Variants in NPAS2 observed in about 807,000 individuals in gnomAD.
The protein encoded by NPAS2 is neuronal PAS domain protein 2.
NPAS2 carries 23 observed loss-of-function variants against 107.5 expected under a neutral mutation model. The ratio of observed to expected loss-of-function variants is 0.21; its 90% CI spans 0.15 to 0.30. The LOEUF is 0.30. NPAS2 is among the 10% of genes least tolerant of loss of function. NPAS2 has a pLI of 1.00. For synonymous variants in NPAS2, 403 were observed against 417.5 expected (o/e 0.97, Z 0.42); for missense variants, 756 against 1,043.3 (o/e 0.72, Z 3.79).
chr2:100,854,742 A>G (rs149392061), intron 1 of NPAS2, among the ~76,000 whole-genome samples: 2 of 152,312 alleles, frequency 1.3e-5, no homozygotes, highest in African/African-American at 4.8e-5. Flanking sequence ...CACAGGAAAT[A>G]AATGCAGGCC....
intron 4 of NPAS2, among the ~76,000 whole-genome samples, chr2:100,934,481 T>G (rs1684179280): frequency 6.6e-6 from 1 of 152,206 alleles, no homozygotes; most frequent in African/African-American, 2.4e-5. Flanking sequence ...CTTTATGCAC[T>G]TTCCCTTGCT....
At chr2:100,993,242 T>A (rs1007182996) in intron 19 of NPAS2, 105 bp from the exon 20 acceptor site, 2 of 1,198,370 alleles carry the variant, frequency 1.7e-6, no homozygotes, top group Non-Finnish European at 2.3e-6. Flanking sequence ...CAAAAGTTTC[T>A]TATGAAGTCC....
At chr2:100,929,367 G>T (rs1379037736) in intron 3 of NPAS2, among the ~76,000 whole-genome samples, 1 of 152,194 alleles carries the variant, frequency 6.6e-6, no homozygotes, top group Non-Finnish European at 1.5e-5. Context: ...CACAAGGGGT[G>T]ATCTACAGGG....
At chr2:100,937,682 C>T in intron 4 of NPAS2, 71 bp from the exon 5 acceptor site, 1 of 1,045,216 alleles carries the variant, frequency 9.6e-7, no homozygotes, top group Middle Eastern at 2.0e-4. Flanking sequence ...AAAATAGTGT[C>T]CTCTGCATCA....
intron 2 of NPAS2, among the ~76,000 whole-genome samples, chr2:100,921,342 C>G (rs1212987694): frequency 6.6e-6 from 1 of 152,198 alleles, no homozygotes; most frequent in Non-Finnish European, 1.5e-5. Flanking sequence ...ATGTAAAGCT[C>G]TTAACATGGT....
intron 1 of NPAS2, among the ~76,000 whole-genome samples, chr2:100,904,523 A>T (rs10168430): frequency 0.11 from 17,477 of 152,144 alleles, 1,176 homozygotes; most frequent in Non-Finnish European, 0.17. Context: ...GTGCCTGTGC[A>T]TTTAAACATT....
chr2:100,826,166 G>A (rs895813574), intron 1 of NPAS2, among the ~76,000 whole-genome samples: 14 of 152,136 alleles, frequency 9.2e-5, no homozygotes, highest in South Asian at 4.1e-4. Context: ...AACTAAGGCC[G>A]GGTGCACTGA....
intron 2 of NPAS2, among the ~76,000 whole-genome samples, chr2:100,921,088 A>G (rs7563355): frequency 0.08 from 12,219 of 152,228 alleles, 699 homozygotes; most frequent in East Asian, 0.26. Flanking sequence ...CTGTGTTCCC[A>G]GAACACTGGG....
chr2:100,962,261 G>A (rs1374628382), intron 7 of NPAS2, among the ~76,000 whole-genome samples: 1 of 152,122 alleles, frequency 6.6e-6, no homozygotes, highest in African/African-American at 2.4e-5. Context: ...ATTTATTCAT[G>A]TTAGTGGAGA....
At chr2:100,855,922 G>C (rs566706817) in intron 1 of NPAS2, among the ~76,000 whole-genome samples, 4 of 152,180 alleles carry the variant, frequency 2.6e-5, no homozygotes, top group African/African-American at 9.7e-5. Flanking sequence ...AATGGGGAAG[G>C]TTAAGGTAAG....
intron 5 of NPAS2, among the ~76,000 whole-genome samples, chr2:100,944,192 G>T (rs1014040033): frequency 6.6e-6 from 1 of 152,100 alleles, no homozygotes; most frequent in Non-Finnish European, 1.5e-5. Context: ...CTCTTAAGCC[G>T]TTCTTTTCTC....
At chr2:100,821,907 G>A (rs1676096077) in intron 1 of NPAS2, among the ~76,000 whole-genome samples, 1 of 152,174 alleles carries the variant, frequency 6.6e-6, no homozygotes, top group Non-Finnish European at 1.5e-5. Flanking sequence ...GCTAAACCAG[G>A]ACCAGTAGAA....
chr2:100,852,213 G>C (rs557227243), intron 1 of NPAS2, among the ~76,000 whole-genome samples: 2 of 151,942 alleles, frequency 1.3e-5, no homozygotes, highest in East Asian at 1.9e-4. Flanking sequence ...TGGCTAACAC[G>C]GTGAAACCCC....
chr2:100,921,098 G>A (rs1683197238), intron 2 of NPAS2, among the ~76,000 whole-genome samples: 1 of 152,214 alleles, frequency 6.6e-6, no homozygotes, highest in Non-Finnish European at 1.5e-5. Flanking sequence ...AGAACACTGG[G>A]TCCGTAGGTC....
At position 100,964,858 on chromosome 2, in the gene NPAS2, C is replaced by T. The variant is rs752528914; in HGVS notation, c.718-3C>T. On this transcript the variant is annotated splice_region_variant and splice_polypyrimidine_tract_variant and intron_variant, in intron 8 of 20. Transcript: ENST00000335681. ...TTTTTTTTTTTTTCTGCTTCCAATA[C>T]AGGAAATGTGCATAGTTGACGAACC... is the stretch of plus-strand genomic sequence containing the variant. 22 of 1,560,718 alleles carry T rather than the reference C, an allele frequency of 1.4e-5. No homozygotes were observed. The African/African-American group carries it at 2.5e-4, about 18-fold the overall frequency.
At chr2:100,902,307 G>A (rs1034855174) in intron 1 of NPAS2, among the ~76,000 whole-genome samples, 7 of 152,266 alleles carry the variant, frequency 4.6e-5, no homozygotes, top group Admixed American at 3.9e-4. Context: ...AACAGCAGCC[G>A]AGGTGGAAGT....
chr2:100,842,198 A>G (rs1677479762), intron 1 of NPAS2, among the ~76,000 whole-genome samples: 1 of 152,130 alleles, frequency 6.6e-6, no homozygotes, highest in Admixed American at 6.5e-5. Flanking sequence ...CTTAGAGACA[A>G]TTCTAGGTCA....
chr2:100,968,376 C>G lies in NPAS2; in HGVS notation c.1003C>G (p.His335Asp). 1 of 1,614,104 alleles carries G rather than the reference C, an allele frequency of 6.2e-7. No homozygotes were observed. The highest frequency in any genetic ancestry group is 8.5e-7 in the Non-Finnish European group (1 of 1,180,000). The part of the protein sequence containing the change: ...WLQTHYYITY[H>D]QWNSKPEFIV... ...GCAGACTCACTACTACATCACCTAC[C>G]ATCAGTGGAACTCCAAGCCCGAGTT... Residue 335 changes from histidine to aspartate, a missense_variant, in exon 11 of 21, where the codon CAT becomes GAT. Physicochemically the swap from His to Asp is moderately conservative, Grantham distance 81. This residue lies in a region of NPAS2 where 84 missense variants were observed against 175.5 expected (regional missense o/e 0.48). Coordinates refer to ENST00000335681, the MANE Select transcript of NPAS2 (RefSeq NM_002518.4). The surrounding 1 kb of genome is among the most constrained non-coding windows in gnomAD (Gnocchi z 5.3).
At chr2:100,909,075 G>T (rs539245616) in intron 2 of NPAS2, among the ~76,000 whole-genome samples, 1 of 152,326 alleles carries the variant, frequency 6.6e-6, no homozygotes, top group African/African-American at 2.4e-5. Context: ...TTAGCCATTT[G>T]GTTATTTCTT....
Sources: allele counts gnomAD v4.1 joint callset (sites outside exome capture counted in the v4.1 genomes callset), GRCh38; gene constraint gnomAD v4.1.1; regional missense constraint gnomAD v4.1.1; non-coding constraint Gnocchi (gnomAD v3.1); transcripts MANE v1.5; gene names NCBI Gene and HGNC (gene_info 2026-07-23, HGNC 2026-07-21).